GAD1: variants seen among roughly 807,000 people sequenced by gnomAD.
GAD1 encodes glutamate decarboxylase 1, also known as 67 kDa glutamic acid decarboxylase.
GAD1 carries 35 observed loss-of-function variants against 75.2 expected under a neutral mutation model. The ratio of observed to expected loss-of-function variants is 0.47; its 90% CI spans 0.36 to 0.62. The LOEUF (loss-of-function observed/expected upper bound fraction) is 0.62, where lower values mean the gene tolerates loss of function less well. GAD1 is among the 20% of genes least tolerant of loss of function. The pLI is 0.00. For synonymous variants in GAD1, 257 were observed against 271.9 expected, an observed-to-expected ratio of 0.95 and a Z score of 0.54; for missense variants, 490 against 758.5, an observed-to-expected ratio of 0.65 and a Z score of 4.16.
At chr2:170,844,023 C>T in intron 6 of GAD1, 22 bp from the exon 7 acceptor site, 1 of 1,283,416 alleles carries the variant, frequency 7.8e-7, no homozygotes, top group Non-Finnish European at 1.1e-6. Context: ...TTCTTTCATC[C>T]TTCTTCTTAC....
chr2:170,813,659 C>T (rs184276512), upstream of GAD1, among the ~76,000 whole-genome samples: 1 of 152,376 alleles, frequency 6.6e-6, no homozygotes, highest in Non-Finnish European at 1.5e-5. Flanking sequence ...ACGCCTCACG[C>T]TCCTCCTACT....
chr2:170,849,324 C>A lies in GAD1; in HGVS notation c.1158C>A (p.His386Gln). Reference sequence around the variant, plus strand: ...GTGGGCTGCTCATGTCCAGGAAGCACCGCCATAAACTCAACGGCATAGAAA... The same window carrying A: ...GTGGGCTGCTCATGTCCAGGAAGCAACGCCATAAACTCAACGGCATAGAAA... ...WGGGLLMSRK[H>Q]RHKLNGIERA... The change falls in exon 12 of 17, where the codon CAC becomes CAA. Residue 386 changes from histidine (H) to glutamine (Q), a missense_variant. Physicochemically the swap from His to Gln is conservative, Grantham distance 24. Around this residue, in one of 3 missense-constraint regions of GAD1, gnomAD observed 324 missense variants for 523.9 expected, o/e 0.62. Transcript: ENST00000358196. 1 of 1,614,126 alleles carries A rather than the reference C, an allele frequency of 6.2e-7. No homozygotes were observed. The highest frequency in any genetic ancestry group is 8.5e-7 in the Non-Finnish European group (1 of 1,180,026).
At position 170,818,523 on chromosome 2, in the gene GAD1, T is replaced by G; in HGVS notation, c.-63-6T>G. On this transcript the variant is annotated splice_region_variant and splice_polypyrimidine_tract_variant and intron_variant, in intron 1 of 16. Coordinates refer to ENST00000358196, the MANE Select transcript of GAD1 (RefSeq NM_000817.3). The surrounding 1 kb of genome is among the most constrained non-coding windows in gnomAD (Gnocchi z 5.9). ...CTCCCCGCACAGCTCTCGCTTCTCT[T>G]TGCAGCCTGTTTCTGCGCCGGACCA... The G allele has an allele frequency of 1.4e-6, 2 of 1,428,370 alleles. No homozygotes were observed. The highest frequency in any genetic ancestry group is 2.0e-6 in the Non-Finnish European group (2 of 1,010,820). 88.5% of individuals were successfully genotyped at this position (1,428,370 alleles called of 1,614,324 possible).
At chr2:170,849,248 A>T in intron 11 of GAD1, 38 bp from the exon 12 acceptor site, 6 of 1,580,252 alleles carry the variant, frequency 3.8e-6, no homozygotes. Flanking sequence ...CTTAAATGTC[A>T]CTGCTCCCCT....
At chr2:170,817,468 G>A (rs1396488248) in intron 1 of GAD1, 1 of 152,352 alleles carries the variant, frequency 6.6e-6, no homozygotes, top group Non-Finnish European at 1.5e-5. Flanking sequence ...CCGAGTTGCT[G>A]TGCGACTGCG....
chr2:170,848,784 C>G (rs1702690701), intron 11 of GAD1: 2 of 518,978 alleles, frequency 3.9e-6, no homozygotes, highest in Non-Finnish European at 7.7e-6. Context: ...ATTCAGTAAA[C>G]ATGCATCATG....
At chr2:170,830,194 G>C (rs570575358) in intron 4 of GAD1, among the ~76,000 whole-genome samples, 13 of 152,338 alleles carry the variant, frequency 8.5e-5, no homozygotes, top group African/African-American at 3.1e-4. Flanking sequence ...GCCACAGAAG[G>C]CAGACCAGAG....
At chr2:170,828,803 CCCT>C (rs1257983337) in intron 3 of GAD1, among the ~76,000 whole-genome samples, 2 of 146,474 alleles carry the variant, frequency 1.4e-5, no homozygotes, top group Non-Finnish European at 3.0e-5. Flanking sequence ...CTGTCCTCAC[CCCT>C]CCTCTTCCCT....
chr2:170,845,752 C>T lies in GAD1; in HGVS notation c.914C>T (p.Thr305Ile). Residue 305 changes from threonine (T) to isoleucine (I), a missense_variant, in exon 9 of 17, where the codon ACT (threonine) becomes ATT (isoleucine). By Grantham distance (89) the Thr-to-Ile change is moderately conservative. Coordinates refer to ENST00000358196, the MANE Select transcript of GAD1 (RefSeq NM_000817.3). Reference protein sequence around the residue: ...KKAGAALGFGTDNVILIKCNE... With the variant: ...KKAGAALGFGIDNVILIKCNE... The stretch of plus-strand genomic sequence containing the variant: ...GCTGGGGCTGCACTTGGCTTTGGAA[C>T]TGACAATGTGATTTTGATAAAGTGC... The T allele has an allele frequency of 1.2e-6, 2 of 1,614,112 alleles. No homozygotes were observed. The highest frequency in any genetic ancestry group is 1.7e-6 in the Non-Finnish European group (2 of 1,180,008).
intron 12 of GAD1, among the ~76,000 whole-genome samples, chr2:170,850,207 T>A (rs1222370912): frequency 6.6e-6 from 1 of 152,202 alleles, no homozygotes; most frequent in African/African-American, 2.4e-5. Context: ...ACTAAGAGAT[T>A]TGTCCTCCTG....
In GAD1 at chr2:170,829,717, T is replaced by C. The variant is rs1702172466; in HGVS notation, c.304+84T>C. The stretch of plus-strand genomic sequence containing the variant: ...TGACTTTTTCCTGCAATTTTACTTC[T>C]TTTATCAAGAAATGTCATTATTCTC... On this transcript the variant is annotated intron_variant, in intron 4 of 16. Transcript: ENST00000358196. 4.8e-6 allele frequency: 7 copies of C among 1,446,928 alleles called. No homozygotes were observed. In the South Asian group the frequency reaches 8.3e-5, roughly 17 times the overall value. 89.6% of individuals were successfully genotyped at this position (1,446,928 alleles called of 1,614,324 possible).
At chr2:170,844,220 T>C in intron 7 of GAD1, 63 bp downstream of exon 7, 9 of 970,844 alleles carry the variant, frequency 9.3e-6, no homozygotes, top group Non-Finnish European at 1.3e-5. Context: ...AAATATGAAG[T>C]AGGTTTATGG....
At chr2:170,842,274 A>G (rs915377207) in intron 6 of GAD1, among the ~76,000 whole-genome samples, 4 of 152,138 alleles carry the variant, frequency 2.6e-5, no homozygotes, top group East Asian at 1.9e-4. Flanking sequence ...TCCTAAGCCA[A>G]CTTTCATCCA....
At position 170,861,095 on chromosome 2, in the gene GAD1, G is replaced by A. The variant is rs1391605783; in HGVS notation, c.*1213G>A. 1 of 152,650 alleles carries A rather than the reference G, an allele frequency of 6.6e-6. No homozygotes were observed. The highest frequency in any genetic ancestry group is 1.5e-5 in the Non-Finnish European group (1 of 68,036). The allele number at this position is 152,650 out of a possible 1,614,324, so 9.5% of individuals were successfully genotyped here. A position where few individuals can be genotyped will look rare whatever the true frequency, so the allele number is the denominator to read the frequency against. ...GGAAATTCACACTGTGCGTTTTAGA[G>A]TATGCAAGAAGAATATAAATAAATA... On this transcript the variant is annotated 3_prime_UTR_variant, in exon 17 of 17. Coordinates refer to ENST00000358196, the MANE Select transcript of GAD1 (RefSeq NM_000817.3).
At chr2:170,815,599 T>A (rs985708549), upstream of GAD1, among the ~76,000 whole-genome samples, 2 of 152,104 alleles carry the variant, frequency 1.3e-5, no homozygotes, top group African/African-American at 2.4e-5. Flanking sequence ...GACGTGCGCA[T>A]AAATAACCCC....
chr2:170,823,073 C>T (rs1456785414), intron 3 of GAD1, among the ~76,000 whole-genome samples: 2 of 152,254 alleles, frequency 1.3e-5, no homozygotes, highest in African/African-American at 4.8e-5. Flanking sequence ...TTCCTGGCTA[C>T]ATTTCACCGA....
Position 170,860,043 on chromosome 2 carries a change from G to C in GAD1, c.*161G>C. Reference sequence around the variant, plus strand: ...CCTTACTTAAAGCTTGTTTGTTCTAGTTAGCAGGAAATAGTGTTCTTTTTA... The same window carrying C: ...CCTTACTTAAAGCTTGTTTGTTCTACTTAGCAGGAAATAGTGTTCTTTTTA... On this transcript the variant is annotated 3_prime_UTR_variant, in exon 17 of 17. Transcript: ENST00000358196. 2 of 740,052 alleles carry C rather than the reference G, an allele frequency of 2.7e-6. No homozygotes were observed. The highest frequency in any genetic ancestry group is 4.5e-6 in the Non-Finnish European group (2 of 439,584). The allele number at this position is 740,052 out of a possible 1,614,324, so 45.8% of individuals were successfully genotyped here.
At position 170,860,085 on chromosome 2, in the gene GAD1, G is replaced by A; in HGVS notation, c.*203G>A. ...TTCTTTTTAAAAAGTTGCACATTAG[G>A]AACAGAGTATATATGTACAGTTATA... On this transcript the variant is annotated 3_prime_UTR_variant, in exon 17 of 17. Transcript: ENST00000358196. The A allele has an allele frequency of 1.7e-6, 1 of 601,682 alleles. No individual in the cohort carries two copies. Among genetic ancestry groups the A allele is most frequent in the South Asian group, 1.9e-5 (1 of 52,584 alleles). The allele number at this position is 601,682 out of a possible 1,614,324, so 37.3% of individuals were successfully genotyped here. A position where few individuals can be genotyped will look rare whatever the true frequency, so the allele number is the denominator to read the frequency against.
Position 170,853,852 on chromosome 2 carries a change from C to A in GAD1, c.1264-21C>A, listed in dbSNP as rs745502246. On this transcript the variant is annotated intron_variant, in intron 13 of 16. Transcript: ENST00000358196. The surrounding 1 kb of genome is among the most constrained non-coding windows in gnomAD (Gnocchi z 4.1). ...CTCTGATGTGTAAATGCAGATGCACCCATCTTAATTTCCATGATAGGGTAT... is the reference window on the plus strand; with the variant it reads ...CTCTGATGTGTAAATGCAGATGCACACATCTTAATTTCCATGATAGGGTAT... 1.9e-6 allele frequency: 3 copies of A among 1,613,484 alleles called. No individual in the cohort carries two copies. The highest frequency in any genetic ancestry group is 1.7e-5 in the Admixed American group (1 of 59,978).
Sources: allele counts gnomAD v4.1 joint callset (sites outside exome capture counted in the v4.1 genomes callset), GRCh38; gene constraint gnomAD v4.1.1; regional missense constraint gnomAD v4.1.1; non-coding constraint Gnocchi (gnomAD v3.1); transcripts MANE v1.5; gene names NCBI Gene and HGNC (gene_info 2026-07-23, HGNC 2026-07-21).